FBN2: variants seen among roughly 807,000 people sequenced by gnomAD.
The protein encoded by FBN2 is fibrillin 2.
FBN2 carries 105 observed loss-of-function variants against 355.6 expected under a neutral mutation model. That is an observed-to-expected ratio of 0.30 (90% CI 0.25 to 0.35). The LOEUF (loss-of-function observed/expected upper bound fraction) is 0.35, where lower values mean the gene tolerates loss of function less well. Ranked by LOEUF, FBN2 falls within the 10% of genes least tolerant of loss-of-function variation. The pLI is 1.00. For missense variants in FBN2, 3,280 were observed against 3,758.7 expected (o/e 0.87, Z 3.33); for synonymous variants, 1,350 against 1,301.2 (o/e 1.04, Z -0.81).
chr5:128,376,668 T>C, intron 14 of FBN2, 63 bp downstream of exon 14: 1 of 1,582,690 alleles, frequency 6.3e-7, no homozygotes, highest in Admixed American at 1.7e-5. Flanking sequence ...TCTTCCATGG[T>C]TCATTCAAAT....
At chr5:128,391,372 C>T (rs1313094174) in intron 11 of FBN2, among the ~76,000 whole-genome samples, 1 of 152,138 alleles carries the variant, frequency 6.6e-6, no homozygotes, top group African/African-American at 2.4e-5. Flanking sequence ...TTAAGGCAGA[C>T]ATTAAAAAGG....
At position 128,288,429 on chromosome 5, in the gene FBN2, A is replaced by G. The variant is rs772789889; in HGVS notation, c.6757+9T>C. 28 of 1,613,622 alleles carry G rather than the reference A, an allele frequency of 1.7e-5. No individual in the cohort carries two copies. In the Admixed American group the frequency reaches 3.5e-4, roughly 20 times the overall value. Reference sequence around the variant, plus strand: ...AGAAGAAATAATATTTAAGACAAAGATCACTTGCCTTCACAATTCATCATG... The same window carrying G: ...AGAAGAAATAATATTTAAGACAAAGGTCACTTGCCTTCACAATTCATCATG... On this transcript the variant is annotated intron_variant, in intron 53 of 64. Transcript: ENST00000262464.
At chr5:128,293,888 C>T (rs1026010132) in intron 48 of FBN2, among the ~76,000 whole-genome samples, 8 of 151,792 alleles carry the variant, frequency 5.3e-5, no homozygotes, top group Non-Finnish European at 1.0e-4. Flanking sequence ...GCACAATGTG[C>T]AGGTTAGTTA....
chr5:128,448,051 G>C (rs996436648), intron 6 of FBN2, among the ~76,000 whole-genome samples: 8 of 152,166 alleles, frequency 5.3e-5, no homozygotes, highest in Non-Finnish European at 8.8e-5. Flanking sequence ...ATGGTACAGT[G>C]AATGTCTCCA....
At position 128,537,428 on chromosome 5, in the gene FBN2, A is replaced by G. The variant is rs143710539; in HGVS notation, c.176T>C (p.Leu59Pro). Residue 59 changes from leucine (L) to proline (P), a missense_variant, in exon 1 of 65, where the codon CTA becomes CCA. Coordinates refer to ENST00000262464, the MANE Select transcript of FBN2 (RefSeq NM_001999.4). ...SATAGSEGGF[L>P]APEYREEGAA... ...ACCCTCCTCGCGATACTCGGGCGCTAGAAACCCGCCTTCAGAGCCTGCTGT... is the reference window on the plus strand; with the variant it reads ...ACCCTCCTCGCGATACTCGGGCGCTGGAAACCCGCCTTCAGAGCCTGCTGT... 1.9e-6 allele frequency: 3 copies of G among 1,609,516 alleles called. No homozygotes were observed. Among genetic ancestry groups the G allele is most frequent in the Admixed American group, 3.3e-5 (2 of 59,804 alleles).
intron 18 of FBN2, among the ~76,000 whole-genome samples, chr5:128,363,379 G>A (rs1442608902): frequency 1.3e-5 from 2 of 151,830 alleles, no homozygotes; most frequent in African/African-American, 2.4e-5. Flanking sequence ...TTAGTAGAGG[G>A]GGGTTTCACC....
At chr5:128,264,182 G>A (rs1476592703) in intron 62 of FBN2, among the ~76,000 whole-genome samples, 2 of 152,056 alleles carry the variant, frequency 1.3e-5, no homozygotes, top group Non-Finnish European at 2.9e-5. Context: ...AGAAGTTTAT[G>A]ATATATCAAT....
chr5:128,348,437 A>T (rs1051711171), intron 23 of FBN2, among the ~76,000 whole-genome samples: 1 of 152,114 alleles, frequency 6.6e-6, no homozygotes, highest in Admixed American at 6.5e-5. Context: ...TCCAATCCAG[A>T]TTTAAATGTG....
At chr5:128,308,967 G>T (rs1353840608) in intron 41 of FBN2, among the ~76,000 whole-genome samples, 1 of 152,158 alleles carries the variant, frequency 6.6e-6, no homozygotes, top group Non-Finnish European at 1.5e-5. Flanking sequence ...GACAAGCACA[G>T]TTTAAGATAA....
intron 7 of FBN2, 152 bp downstream of exon 7, chr5:128,446,329 A>C: frequency 1.3e-6 from 1 of 777,088 alleles, no homozygotes; most frequent in South Asian, 1.5e-5. Flanking sequence ...TACAATACAC[A>C]AACACAGAAC....
intron 6 of FBN2, among the ~76,000 whole-genome samples, chr5:128,447,931 T>C (rs1754118186): frequency 6.6e-6 from 1 of 152,248 alleles, no homozygotes; most frequent in South Asian, 2.1e-4. Context: ...CATACATCCA[T>C]ACTGTTATGT....
chr5:128,382,503 G>A (rs1752258728), intron 11 of FBN2, among the ~76,000 whole-genome samples: 1 of 152,048 alleles, frequency 6.6e-6, no homozygotes. Context: ...AGCCACCTGT[G>A]TGTTGTTGAC....
rs776371080 is a variant in FBN2 at position 128,537,605 on chromosome 5, G to A, written c.-2C>T. 6.2e-7 allele frequency: 1 copy of A among 1,606,656 alleles called. No individual in the cohort carries two copies. Among genetic ancestry groups the A allele is most frequent in the Non-Finnish European group, 8.5e-7 (1 of 1,178,132 alleles). On this transcript the variant is annotated 5_prime_UTR_variant, in exon 1 of 65. Transcript: ENST00000262464. ...ACACAGCCTCCGTCTTCTCCCCATC[G>A]CCGGCGCCGAAAGCGCGCGGCCGTA...
At chr5:128,456,018 A>AC (rs1255837318) in intron 6 of FBN2, among the ~76,000 whole-genome samples, 47 of 148,458 alleles carry the variant, frequency 3.2e-4, no homozygotes, top group Non-Finnish European at 6.1e-4. Context: ...AAAAAAAAAA[A>AC]AAAAAGCAAC....
intron 14 of FBN2, 121 bp downstream of exon 14, chr5:128,376,610 G>T: frequency 8.3e-7 from 1 of 1,203,546 alleles, no homozygotes; most frequent in Non-Finnish European, 1.2e-6. Flanking sequence ...TAGTGAATTA[G>T]CAAGAAATGT....
chr5:128,472,525 C>T (rs1012867939), intron 5 of FBN2, among the ~76,000 whole-genome samples: 2 of 152,130 alleles, frequency 1.3e-5, no homozygotes, highest in African/African-American at 4.8e-5. Context: ...GGCACAGTGG[C>T]TCACACTTGT....
chr5:128,262,027 A>G (rs1764988973), intron 63 of FBN2, 120 bp from the exon 64 acceptor site: 3 of 803,690 alleles, frequency 3.7e-6, no homozygotes, highest in African/African-American at 3.4e-5. Context: ...ACTCATAAAC[A>G]TAAAACCCTA....
At chr5:128,295,784 AG>A (rs1418932747) in intron 48 of FBN2, among the ~76,000 whole-genome samples, 3 of 136,662 alleles carry the variant, frequency 2.2e-5, no homozygotes, top group Non-Finnish European at 4.6e-5. Context: ...GTCTGCAAAC[AG>A]GGACAATTTG....
intron 14 of FBN2, among the ~76,000 whole-genome samples, chr5:128,375,461 T>A (rs1752055584): frequency 6.6e-6 from 1 of 152,168 alleles, no homozygotes. Flanking sequence ...CTGTGTTAAA[T>A]CTAAATCAGC....
Sources: gnomAD v4.1 joint callset for allele counts (sites outside exome capture counted in the v4.1 genomes callset) on GRCh38, gnomAD v4.1.1 for gene constraint, MANE v1.5 for transcripts, NCBI Gene and HGNC (gene_info 2026-07-23, HGNC 2026-07-21) for gene names.